ZNF385D: variants seen among roughly 807,000 people sequenced by gnomAD.
The protein encoded by ZNF385D is zinc finger protein 659.
Under a neutral mutation model 35.8 loss-of-function variants are expected in ZNF385D, and 15 were observed. The observed-to-expected ratio is 0.42, with a 90% CI of 0.28 to 0.64. ZNF385D has a LOEUF of 0.64. Among genes scored for constraint, ZNF385D ranks in the 30% least tolerant of loss-of-function variants. The probability of loss-of-function intolerance (pLI) is 0.23; values close to 1 mark genes in which losing one functional copy is unlikely to be tolerated. For missense variants in ZNF385D, 474 were observed against 494.6 expected (o/e 0.96, Z 0.39); for synonymous variants, 212 against 186.8 (o/e 1.13, Z -1.10).
intron 3 of ZNF385D, among the ~76,000 whole-genome samples, chr3:22,152,630 C>T (rs904075733): frequency 6.6e-6 from 1 of 152,118 alleles, no homozygotes; most frequent in African/African-American, 2.4e-5. Flanking sequence ...GTAACATCTC[C>T]TTTCTCTCTC....
At chr3:22,274,351 T>G in intron 2 of ZNF385D, among the ~76,000 whole-genome samples, 1 of 151,978 alleles carries the variant, frequency 6.6e-6, no homozygotes, top group Non-Finnish European at 1.5e-5. Context: ...GAGGACAGTA[T>G]GATATCTCAT....
At chr3:21,882,135 A>G (rs1157576625) in intron 3 of ZNF385D, among the ~76,000 whole-genome samples, 1 of 152,056 alleles carries the variant, frequency 6.6e-6, no homozygotes, top group Non-Finnish European at 1.5e-5. Context: ...AGAGTTTCAG[A>G]GGACTGACTG....
chr3:21,530,352 C>T (rs1359966193), intron 3 of ZNF385D, among the ~76,000 whole-genome samples: 1 of 152,186 alleles, frequency 6.6e-6, no homozygotes, highest in African/African-American at 2.4e-5. Context: ...TAGAGAAGCA[C>T]AATTTCAGTG....
intron 3 of ZNF385D, among the ~76,000 whole-genome samples, chr3:22,138,506 A>G (rs1276952455): frequency 4.0e-5 from 6 of 151,534 alleles, no homozygotes; most frequent in African/African-American, 1.2e-4. Flanking sequence ...CCTCAGAAAT[A>G]ATGCCACATA....
At chr3:22,094,063 A>T (rs145765562) in intron 3 of ZNF385D, among the ~76,000 whole-genome samples, 1 of 152,178 alleles carries the variant, frequency 6.6e-6, no homozygotes, top group African/African-American at 2.4e-5. Context: ...TTTATTGTCA[A>T]TATTTTTAAT....
At chr3:21,979,746 AGAG>A (rs1192432287) in intron 3 of ZNF385D, 2 of 152,200 alleles carry the variant, frequency 1.3e-5, no homozygotes, top group East Asian at 3.8e-4. Context: ...TGGAAGATGA[AGAG>A]GAGATAAGTA....
At chr3:21,689,355 G>C (rs184507212) in intron 1 of ZNF385D, among the ~76,000 whole-genome samples, 3 of 151,914 alleles carry the variant, frequency 2.0e-5, no homozygotes, top group Admixed American at 2.0e-4. Context: ...GCATAAGCTC[G>C]ATTCAACTTA....
intron 1 of ZNF385D, among the ~76,000 whole-genome samples, chr3:21,743,867 A>T (rs1260533903): frequency 6.6e-6 from 1 of 152,264 alleles, no homozygotes; most frequent in Admixed American, 6.5e-5. Context: ...GCAGAATAAA[A>T]TTATAAATTA....
chr3:21,916,329 T>A (rs1700191661), intron 3 of ZNF385D, among the ~76,000 whole-genome samples: 1 of 152,128 alleles, frequency 6.6e-6, no homozygotes, highest in Non-Finnish European at 1.5e-5. Flanking sequence ...TTTTACTATT[T>A]AATTTTGTTC....
chr3:21,474,434 T>A (rs562340607), intron 4 of ZNF385D, among the ~76,000 whole-genome samples: 3 of 152,210 alleles, frequency 2.0e-5, no homozygotes, highest in African/African-American at 7.2e-5. Context: ...AATAATCTGA[T>A]CTCATTCTAT....
At chr3:21,751,384 GAGAA>G, upstream of ZNF385D, 2 of 1,020,712 alleles carry the variant, frequency 2.0e-6, no homozygotes, top group South Asian at 3.8e-5. Flanking sequence ...CTCTTAAAGC[GAGAA>G]GAGTGTCGGG....
At chr3:21,664,135 C>T (rs1157217152) in intron 2 of ZNF385D, among the ~76,000 whole-genome samples, 1 of 150,284 alleles carries the variant, frequency 6.7e-6, no homozygotes, top group African/African-American at 2.4e-5. Flanking sequence ...GTCACTTACT[C>T]GTTTCTAACC....
At chr3:22,199,242 A>T (rs572698885) in intron 2 of ZNF385D, among the ~76,000 whole-genome samples, 2 of 152,224 alleles carry the variant, frequency 1.3e-5, no homozygotes, top group South Asian at 4.1e-4. Context: ...TCACTAAGCT[A>T]TAATTGTCTG....
rs371312586 is a variant in ZNF385D, at chr3:21,624,989, C to A, written c.165+39897G>T. On this transcript the variant is annotated intron_variant, in intron 2 of 7. Coordinates refer to ENST00000281523, the MANE Select transcript of ZNF385D (RefSeq NM_024697.3). ...ATAAAAATTGAACTTCGTAAGCATT[C>A]ATTCATGTATAAATATTCTCATAAT... Among the ~76,000 whole-genome samples the A allele has an allele frequency of 4.6e-5, 7 of 152,142 alleles. No homozygotes were observed. In the South Asian group the frequency reaches 8.3e-4, roughly 18 times the overall value.
chr3:21,920,655 T>C (rs1303939740), intron 3 of ZNF385D, among the ~76,000 whole-genome samples: 1 of 151,702 alleles, frequency 6.6e-6, no homozygotes, highest in Admixed American at 6.6e-5. Flanking sequence ...ATGGAAATTC[T>C]TTTCCTTCAT....
intron 3 of ZNF385D, among the ~76,000 whole-genome samples, chr3:21,763,111 C>A (rs2070690239): frequency 6.6e-6 from 1 of 152,116 alleles, no homozygotes; most frequent in Admixed American, 6.5e-5. Flanking sequence ...GTAACTCCCC[C>A]AAAAGCTCTT....
chr3:21,567,547 A>G (rs1029807196), intron 2 of ZNF385D, among the ~76,000 whole-genome samples: 3 of 152,084 alleles, frequency 2.0e-5, no homozygotes, highest in Admixed American at 6.6e-5. Context: ...CTGAAGGGTA[A>G]TTTTCCCTTC....
Position 21,846,212 on chromosome 3 carries a change from G to A in ZNF385D, c.326-181184C>T, listed in dbSNP as rs73820157. On this transcript the variant is annotated intron_variant, in intron 3 of 5. Transcript: ENST00000494108. ...ATGGTAGAGTGAGGAATTTGAAAAA[G>A]CATTTGAAAGGTGATTCTGTTTGGA... is the stretch of plus-strand genomic sequence containing the variant. 3.8e-3 allele frequency among the ~76,000 whole-genome samples: 576 copies of A among 152,102 alleles called. 3 individuals are homozygous for A. The highest frequency in any genetic ancestry group is 0.013 in the African/African-American group (534 of 41,530).
At chr3:21,999,616 G>C (rs1344553707) in intron 3 of ZNF385D, among the ~76,000 whole-genome samples, 3 of 151,952 alleles carry the variant, frequency 2.0e-5, no homozygotes, top group African/African-American at 7.3e-5. Flanking sequence ...TGGGACTTTA[G>C]CTACCACCTC....
Sources: gnomAD v4.1 joint callset for allele counts (sites outside exome capture counted in the v4.1 genomes callset) on GRCh38, gnomAD v4.1.1 for gene constraint, MANE v1.5 for transcripts, NCBI Gene and HGNC (gene_info 2026-07-23, HGNC 2026-07-21) for gene names.